KCNQ5: variants seen among roughly 807,000 people sequenced by gnomAD.
The protein encoded by KCNQ5 is potassium voltage-gated channel subfamily KQT member 5.
KCNQ5 carries 30 observed loss-of-function variants against 98.2 expected under a neutral mutation model. That is an observed-to-expected ratio of 0.31 (90% CI 0.23 to 0.41). The LOEUF is 0.41. KCNQ5 is among the 10% of genes least tolerant of loss of function. KCNQ5 has a pLI of 1.00. For synonymous variants in KCNQ5, 458 were observed against 449.4 expected, an observed-to-expected ratio of 1.02 and a Z score of -0.24; for missense variants, 835 against 1,182.5, an observed-to-expected ratio of 0.71 and a Z score of 4.31.
chr6:72,664,180 G>A (rs1327706003), intron 1 of KCNQ5, among the ~76,000 whole-genome samples: 1 of 152,200 alleles, frequency 6.6e-6, no homozygotes, highest in Non-Finnish European at 1.5e-5. Context: ...TGAATCCTAT[G>A]TGATAGGGAA....
At chr6:72,839,692 G>C (rs1027185376) in intron 1 of KCNQ5, among the ~76,000 whole-genome samples, 3 of 152,100 alleles carry the variant, frequency 2.0e-5, no homozygotes, top group African/African-American at 7.2e-5. Flanking sequence ...AATTATAAAT[G>C]TATATTTTTA....
chr6:72,894,397 C>T (rs889919086), intron 1 of KCNQ5, among the ~76,000 whole-genome samples: 8 of 152,286 alleles, frequency 5.3e-5, no homozygotes, highest in African/African-American at 1.9e-4. Context: ...GAACTTAGTT[C>T]TTGTATGGCA....
At chr6:73,165,051 T>G (rs2150498339) in intron 10 of KCNQ5, among the ~76,000 whole-genome samples, 1 of 152,252 alleles carries the variant, frequency 6.6e-6, no homozygotes, top group Non-Finnish European at 1.5e-5. Context: ...CAATCATAGC[T>G]AACTGTACCG....
intron 1 of KCNQ5, among the ~76,000 whole-genome samples, chr6:72,635,193 A>ATT (rs111843592): frequency 4.7e-5 from 7 of 149,712 alleles, no homozygotes; most frequent in Non-Finnish European, 7.4e-5. Flanking sequence ...TGCCCAGCTA[A>ATT]TTTTTTTTTT....
intron 1 of KCNQ5, among the ~76,000 whole-genome samples, chr6:72,634,661 G>A (rs987827796): frequency 1.3e-5 from 2 of 152,026 alleles, no homozygotes; most frequent in Non-Finnish European, 2.9e-5. Flanking sequence ...CACCTCCCAG[G>A]TTCAAGCAAT....
At chr6:73,003,482 G>A (rs1258889735) in intron 1 of KCNQ5, among the ~76,000 whole-genome samples, 1 of 152,136 alleles carries the variant, frequency 6.6e-6, no homozygotes, top group Non-Finnish European at 1.5e-5. Context: ...ACACTTGATA[G>A]TTTAGCAAAG....
At chr6:72,680,969 ATTAC>A (rs1295170314) in intron 1 of KCNQ5, among the ~76,000 whole-genome samples, 20 of 152,238 alleles carry the variant, frequency 1.3e-4, no homozygotes, top group Non-Finnish European at 1.0e-4. Context: ...CTAGACTGCA[ATTAC>A]TTACTGCAAA....
At chr6:72,763,599 T>C (rs12213677) in intron 1 of KCNQ5, among the ~76,000 whole-genome samples, 39,289 of 151,920 alleles carry the variant, frequency 0.26, 7,481 homozygotes, top group African/African-American at 0.54. Flanking sequence ...TATTTGAAAA[T>C]GTTATGTTAT....
At chr6:73,043,157 T>C (rs1301777227) in intron 3 of KCNQ5, 1 of 455,936 alleles carries the variant, frequency 2.2e-6, no homozygotes, top group East Asian at 7.0e-5. Flanking sequence ...GAAGAAAGTG[T>C]ATCACCATCC....
intron 10 of KCNQ5, among the ~76,000 whole-genome samples, chr6:73,138,799 C>T (rs1232192975): frequency 1.3e-5 from 2 of 152,112 alleles, no homozygotes; most frequent in African/African-American, 4.8e-5. Context: ...GAATATCTTC[C>T]GATTGTGGGG....
chr6:73,173,802 A>G (rs900628559), intron 11 of KCNQ5, among the ~76,000 whole-genome samples: 3 of 152,188 alleles, frequency 2.0e-5, no homozygotes, highest in African/African-American at 7.2e-5. Flanking sequence ...AAAAAAAAAA[A>G]GAATGACACT....
rs67509032 is a variant in KCNQ5 at position 73,065,051 on chromosome 6, GA to G, written c.617-12258del. 2.3e-3 allele frequency among the ~76,000 whole-genome samples: 342 copies of G among 148,962 alleles called. 2 individuals are homozygous for G. Among genetic ancestry groups the G allele is most frequent in the African/African-American group, 7.9e-3 (315 of 39,690 alleles). On this transcript the variant is annotated intron_variant, in intron 3 of 13. Transcript: ENST00000370398. ...GCAAGGGATTCGTCCTGTAGCATGA[GA>G]AAAAAAAAAAAATCTACTGCCTGAC...
chr6:72,726,626 C>T (rs1770294160), intron 1 of KCNQ5, among the ~76,000 whole-genome samples: 1 of 152,004 alleles, frequency 6.6e-6, no homozygotes, highest in African/African-American at 2.4e-5. Flanking sequence ...AGGTGACTGC[C>T]AGTGCAGGCA....
intron 1 of KCNQ5, among the ~76,000 whole-genome samples, chr6:73,002,773 G>A (rs1258760108): frequency 6.6e-6 from 1 of 152,152 alleles, no homozygotes; most frequent in Non-Finnish European, 1.5e-5. Flanking sequence ...CTGTGACTGT[G>A]TGCTGATAAA....
intron 1 of KCNQ5, among the ~76,000 whole-genome samples, chr6:72,879,284 T>G (rs533271867): frequency 6.6e-6 from 1 of 152,328 alleles, no homozygotes; most frequent in East Asian, 1.9e-4. Flanking sequence ...TTACCAATAC[T>G]TGATACTGTC....
intron 1 of KCNQ5, among the ~76,000 whole-genome samples, chr6:72,837,910 A>T (rs973402591): frequency 6.6e-6 from 1 of 152,076 alleles, no homozygotes. Context: ...ACCTGATAGT[A>T]TATGTTATGG....
intron 2 of KCNQ5, among the ~76,000 whole-genome samples, chr6:73,012,134 C>G (rs1411998830): frequency 6.6e-6 from 1 of 152,072 alleles, no homozygotes; most frequent in Non-Finnish European, 1.5e-5. Flanking sequence ...GCCAAAAACA[C>G]TGACGGCAAG....
chr6:72,743,685 G>A (rs1185997263), intron 1 of KCNQ5, among the ~76,000 whole-genome samples: 1 of 152,160 alleles, frequency 6.6e-6, no homozygotes, highest in Non-Finnish European at 1.5e-5. Context: ...GCTGGAACTG[G>A]ATTCAACCTC....
At chr6:72,835,436 T>C (rs1268030064) in intron 1 of KCNQ5, among the ~76,000 whole-genome samples, 2 of 152,112 alleles carry the variant, frequency 1.3e-5, no homozygotes, top group African/African-American at 4.8e-5. Context: ...TAGAGTACCA[T>C]CAGATGTCTA....
Sources: gnomAD v4.1 joint callset for allele counts (sites outside exome capture counted in the v4.1 genomes callset) on GRCh38, gnomAD v4.1.1 for gene constraint, MANE v1.5 for transcripts, NCBI Gene and HGNC (gene_info 2026-07-23, HGNC 2026-07-21) for gene names.